Variants in PIAS4 observed in about 807,000 individuals in gnomAD.
PIAS4 encodes E3 SUMO-protein ligase PIAS4.
PIAS4 carries 7 observed loss-of-function variants against 58.0 expected under a neutral mutation model. The observed-to-expected ratio is 0.12, with a 90% CI of 0.07 to 0.23. PIAS4 has a LOEUF of 0.23. Among genes scored for constraint, PIAS4 ranks in the 10% least tolerant of loss-of-function variants. The probability of loss-of-function intolerance (pLI) is 1.00; values close to 1 mark genes in which losing one functional copy is unlikely to be tolerated. For missense variants in PIAS4, 550 were observed against 709.5 expected (o/e 0.78, Z 2.55); for synonymous variants, 364 against 312.4 (o/e 1.17, Z -1.74).
chr19:4,037,285 C>T lies in PIAS4; in HGVS notation c.1143-89C>T. 3 of 1,483,110 alleles carry T rather than the reference C, an allele frequency of 2.0e-6. No individual in the cohort carries two copies. Among genetic ancestry groups the T allele is most frequent in the South Asian group, 2.6e-5 (2 of 78,264 alleles). The allele number at this position is 1,483,110 out of a possible 1,614,324, so 91.9% of individuals were successfully genotyped here. A position where few individuals can be genotyped will look rare whatever the true frequency, so the allele number is the denominator to read the frequency against. ...CTCTTGCAGAGAGAAGTGGGGAGTGCCTGGCTGCATCCGGGAGGGATGGAG... is the reference window on the plus strand; with the variant it reads ...CTCTTGCAGAGAGAAGTGGGGAGTGTCTGGCTGCATCCGGGAGGGATGGAG... On this transcript the variant is annotated intron_variant, in intron 9 of 10. Transcript: ENST00000262971. The surrounding 1 kb of genome is among the most constrained non-coding windows in gnomAD (Gnocchi z 5.8).
chr19:4,014,533 C>G (rs1016655442), intron 2 of PIAS4, among the ~76,000 whole-genome samples: 2 of 152,192 alleles, frequency 1.3e-5, no homozygotes, highest in Admixed American at 1.3e-4. Context: ...GAGGTCTCTC[C>G]GTCTCTTCTT....
chr19:4,029,170 GC>G (rs1346594363), intron 7 of PIAS4, 134 bp downstream of exon 7: 31 of 656,314 alleles, frequency 4.7e-5, no homozygotes, highest in Admixed American at 1.3e-4. Flanking sequence ...GGGGTCCATG[GC>G]CCCCCGGCTG....
chr19:4,024,367 C>A (rs2028825), intron 3 of PIAS4, among the ~76,000 whole-genome samples: 132,408 of 152,070 alleles, frequency 0.87, 58,347 homozygotes, highest in East Asian at 0.96. Context: ...TGACTGTGCC[C>A]TTTTAACACG....
chr19:4,009,991 G>A (rs903710104), intron 1 of PIAS4, among the ~76,000 whole-genome samples: 1 of 152,188 alleles, frequency 6.6e-6, no homozygotes, highest in Non-Finnish European at 1.5e-5. Context: ...GGCCTATGCT[G>A]GAGGAAAGGT....
intron 3 of PIAS4, among the ~76,000 whole-genome samples, chr19:4,024,985 G>T (rs926318932): frequency 1.3e-5 from 2 of 152,172 alleles, no homozygotes; most frequent in African/African-American, 4.8e-5. Flanking sequence ...GGCTGGTCTC[G>T]AATTCCTGAC....
At chr19:4,018,712 C>G (rs988268356) in intron 2 of PIAS4, 1 of 152,208 alleles carries the variant, frequency 6.6e-6, no homozygotes, top group Non-Finnish European at 1.5e-5. Context: ...TGTAGGGAAA[C>G]TGAGTCGCTC....
At chr19:4,033,347 C>G (rs2040241696) in intron 8 of PIAS4, 73 bp from the exon 9 acceptor site, 4 of 1,431,624 alleles carry the variant, frequency 2.8e-6, no homozygotes, top group Non-Finnish European at 2.8e-6. Context: ...CAGGATGGAG[C>G]TGGGGGTGAG....
At chr19:4,009,299 C>T (rs1168932949) in intron 1 of PIAS4, among the ~76,000 whole-genome samples, 1 of 152,170 alleles carries the variant, frequency 6.6e-6, no homozygotes, top group African/African-American at 2.4e-5. Context: ...TACACCCCTG[C>T]GCACACTTCT....
intron 3 of PIAS4, among the ~76,000 whole-genome samples, chr19:4,025,342 C>G (rs987592567): frequency 6.6e-6 from 1 of 152,234 alleles, no homozygotes; most frequent in African/African-American, 2.4e-5. Flanking sequence ...GCCCTGCGCT[C>G]TGCTCCTCCC....
chr19:4,033,065 C>T, intron 7 of PIAS4, 35 bp from the exon 8 acceptor site: 2 of 1,579,012 alleles, frequency 1.3e-6, no homozygotes, highest in Non-Finnish European at 8.7e-7. Flanking sequence ...GCTGTTCCCA[C>T]CCTCCTGACG....
chr19:4,010,854 G>C (rs1192341178), intron 1 of PIAS4, among the ~76,000 whole-genome samples: 1 of 152,228 alleles, frequency 6.6e-6, no homozygotes, highest in African/African-American at 2.4e-5. Context: ...CCCTGATATG[G>C]GAAGAGGCTT....
chr19:4,024,954 A>G (rs560976514), intron 3 of PIAS4, among the ~76,000 whole-genome samples: 165 of 152,262 alleles, frequency 1.1e-3, no homozygotes, highest in African/African-American at 3.8e-3. Context: ...TAGTAGAGAT[A>G]GGGTTTTGCC....
intron 7 of PIAS4, among the ~76,000 whole-genome samples, chr19:4,030,192 A>G (rs58515092): frequency 0.91 from 135,827 of 149,298 alleles, 61,899 homozygotes; most frequent in East Asian, 0.96. Flanking sequence ...TAAACTCCTG[A>G]GCTCAAGCAG....
At chr19:4,030,486 G>T (rs2040213199) in intron 7 of PIAS4, among the ~76,000 whole-genome samples, 1 of 151,992 alleles carries the variant, frequency 6.6e-6, no homozygotes, top group Non-Finnish European at 1.5e-5. Context: ...AGGCGTGGTG[G>T]CAGGCACCTG....
chr19:4,016,034 C>A (rs1024897954), intron 2 of PIAS4, among the ~76,000 whole-genome samples: 1 of 152,222 alleles, frequency 6.6e-6, no homozygotes, highest in Non-Finnish European at 1.5e-5. Context: ...GGTCGCACAG[C>A]GGCCTGCCTT....
At chr19:4,021,484 A>G (rs1315639298) in intron 2 of PIAS4, among the ~76,000 whole-genome samples, 1 of 151,966 alleles carries the variant, frequency 6.6e-6, no homozygotes, top group Admixed American at 6.6e-5. Flanking sequence ...TTGGATTTCT[A>G]CACAAATCGC....
At chr19:4,036,752 C>T (rs867633703) in intron 9 of PIAS4, among the ~76,000 whole-genome samples, 12 of 151,738 alleles carry the variant, frequency 7.9e-5, no homozygotes, top group South Asian at 2.1e-4. Context: ...TGCACACACA[C>T]ATCTATATGG....
chr19:4,016,153 C>T (rs901183929), intron 2 of PIAS4, among the ~76,000 whole-genome samples: 1 of 152,230 alleles, frequency 6.6e-6, no homozygotes. Context: ...GGCGCCACCC[C>T]TTTCCAGCCT....
At chr19:4,036,936 ACATT>A (rs751586769) in intron 9 of PIAS4, among the ~76,000 whole-genome samples, 10 of 151,890 alleles carry the variant, frequency 6.6e-5, no homozygotes, top group East Asian at 3.9e-4. Context: ...TCACACACAC[ACATT>A]CATAGACTCC....
Sources: allele counts gnomAD v4.1 joint callset (sites outside exome capture counted in the v4.1 genomes callset), GRCh38; gene constraint gnomAD v4.1.1; non-coding constraint Gnocchi (gnomAD v3.1); transcripts MANE v1.5; gene names NCBI Gene and HGNC (gene_info 2026-07-23, HGNC 2026-07-21).